The following ZNF704 variants were observed in gnomAD, a reference collection of about 807,000 sequenced individuals.
ZNF704 encodes the protein zinc finger protein 704, also known as glucocorticoid induced gene 1.
Under a neutral mutation model 44.7 loss-of-function variants are expected in ZNF704, and 10 were observed. The observed-to-expected ratio is 0.22, with a 90% CI of 0.14 to 0.38. The LOEUF (loss-of-function observed/expected upper bound fraction) is 0.38. ZNF704 is among the 10% of genes least tolerant of loss of function. ZNF704 has a pLI of 1.00. For missense variants in ZNF704, 390 were observed against 545.5 expected, an observed-to-expected ratio of 0.71 and a Z score of 2.84; for synonymous variants, 211 against 207.6, an observed-to-expected ratio of 1.02 and a Z score of -0.14.
chr8:80,823,625 A>C (rs1338291958), intron 1 of ZNF704, among the ~76,000 whole-genome samples: 1 of 151,974 alleles, frequency 6.6e-6, no homozygotes, highest in African/African-American at 2.4e-5. Flanking sequence ...CTGCCTCCTT[A>C]AGTGGGTCCC....
intron 2 of ZNF704, among the ~76,000 whole-genome samples, chr8:80,753,536 T>C (rs1208354298): frequency 6.6e-6 from 1 of 152,068 alleles, no homozygotes; most frequent in African/African-American, 2.4e-5. Context: ...GCCTTCCCCA[T>C]TGATGCATTT....
chr8:80,862,764 CAAAAAAAAAAAAAAAA>C (rs71266094), intron 1 of ZNF704, among the ~76,000 whole-genome samples: 8 of 13,076 alleles, frequency 6.1e-4, no homozygotes, highest in Admixed American at 5.2e-3. Flanking sequence ...GACTCCGTCT[CAAAAAAAAAAAAAAAA>C]AAAAAAAAAA....
chr8:80,763,854 C>G (rs1429058671), intron 2 of ZNF704, among the ~76,000 whole-genome samples: 2 of 152,212 alleles, frequency 1.3e-5, no homozygotes, highest in African/African-American at 2.4e-5. Flanking sequence ...TCATCTCTCT[C>G]AAGTTCAAAG....
intron 2 of ZNF704, among the ~76,000 whole-genome samples, chr8:80,716,223 G>A (rs1311348572): frequency 3.3e-5 from 5 of 152,184 alleles, no homozygotes; most frequent in Non-Finnish European, 5.9e-5. Context: ...ACCACGTACA[G>A]GAGCATTAAA....
At chr8:80,642,616 TGGGTAACTGAAACCACAGAAAAG>T (rs1817761462) in intron 8 of ZNF704, among the ~76,000 whole-genome samples, 3 of 152,340 alleles carry the variant, frequency 2.0e-5, no homozygotes, top group Non-Finnish European at 4.4e-5. Context: ...CAATTGACTT[TGGGTAACTGAAACCACAGAAAAG>T]TAAAACTGTG....
At chr8:80,792,383 C>T (rs925714474) in intron 2 of ZNF704, among the ~76,000 whole-genome samples, 2 of 152,118 alleles carry the variant, frequency 1.3e-5, no homozygotes, top group African/African-American at 4.8e-5. Flanking sequence ...AGAATATACA[C>T]AAGGCTTGGC....
chr8:80,709,077 A>G (rs957927801), intron 2 of ZNF704, among the ~76,000 whole-genome samples: 2 of 152,210 alleles, frequency 1.3e-5, no homozygotes, highest in Non-Finnish European at 2.9e-5. Context: ...CCTACTTGGT[A>G]TGTTATTTCT....
chr8:80,756,675 T>G (rs544343467), intron 2 of ZNF704, among the ~76,000 whole-genome samples: 13 of 152,354 alleles, frequency 8.5e-5, no homozygotes, highest in African/African-American at 2.4e-4. Flanking sequence ...TTGGTGAATA[T>G]GCACTGCATA....
At chr8:80,841,460 G>A (rs145936906) in intron 1 of ZNF704, among the ~76,000 whole-genome samples, 2,222 of 151,810 alleles carry the variant, frequency 0.015, 25 homozygotes, top group South Asian at 0.027. Flanking sequence ...TTCAATCTGT[G>A]TACTTCTCTC....
At chr8:80,834,724 C>T (rs1235034249) in intron 1 of ZNF704, among the ~76,000 whole-genome samples, 2 of 152,140 alleles carry the variant, frequency 1.3e-5, no homozygotes, top group Non-Finnish European at 2.9e-5. Flanking sequence ...TGATGTTCCC[C>T]TCCCTGTGTC....
intron 1 of ZNF704, among the ~76,000 whole-genome samples, chr8:80,822,949 C>A (rs1302432135): frequency 6.6e-6 from 1 of 152,018 alleles, no homozygotes; most frequent in African/African-American, 2.4e-5. Context: ...GGATATTAGC[C>A]CATTGTCAGG....
chr8:80,752,778 T>C (rs180929914), intron 2 of ZNF704, among the ~76,000 whole-genome samples: 1 of 152,242 alleles, frequency 6.6e-6, no homozygotes, highest in East Asian at 1.9e-4. Context: ...CGACCTCAGG[T>C]GATCTGCCCG....
upstream of ZNF704, among the ~76,000 whole-genome samples, chr8:80,879,636 C>G (rs575984936): frequency 1.3e-5 from 2 of 152,210 alleles, no homozygotes; most frequent in Non-Finnish European, 1.5e-5. Context: ...GTTGGGAATA[C>G]AGAAATTATA....
intron 1 of ZNF704, among the ~76,000 whole-genome samples, chr8:80,858,885 G>A (rs954755567): frequency 2.6e-5 from 4 of 152,076 alleles, no homozygotes; most frequent in Admixed American, 2.0e-4. Flanking sequence ...AGTATATAGT[G>A]TACATTCATA....
intron 2 of ZNF704, among the ~76,000 whole-genome samples, chr8:80,799,238 A>C (rs1018662304): frequency 6.6e-6 from 1 of 152,244 alleles, no homozygotes; most frequent in Non-Finnish European, 1.5e-5. Context: ...ATGCTAGACA[A>C]TAATACATAT....
chr8:80,769,949 G>T (rs1324980546), intron 2 of ZNF704, among the ~76,000 whole-genome samples: 1 of 152,200 alleles, frequency 6.6e-6, no homozygotes, highest in Non-Finnish European at 1.5e-5. Flanking sequence ...GTTCCACGTG[G>T]CTGGGGAGGC....
chr8:80,871,982 A>G (rs973510330), intron 1 of ZNF704, among the ~76,000 whole-genome samples: 13 of 152,214 alleles, frequency 8.5e-5, no homozygotes, highest in Non-Finnish European at 1.5e-4. Flanking sequence ...TTCTGTTTTT[A>G]CGGATTTGAT....
chr8:80,764,790 G>A (rs548400965), intron 2 of ZNF704, among the ~76,000 whole-genome samples: 41 of 152,222 alleles, frequency 2.7e-4, no homozygotes, highest in Non-Finnish European at 5.4e-4. Flanking sequence ...AGAGAGCCTC[G>A]TACGCTTATC....
At chr8:80,840,498 T>C (rs895840788) in intron 1 of ZNF704, among the ~76,000 whole-genome samples, 18 of 152,212 alleles carry the variant, frequency 1.2e-4, no homozygotes, top group African/African-American at 4.3e-4. Flanking sequence ...ACAATCATAA[T>C]AATAACAGTT....
Sources: gnomAD v4.1 joint callset for allele counts (sites outside exome capture counted in the v4.1 genomes callset) on GRCh38, gnomAD v4.1.1 for gene constraint, MANE v1.5 for transcripts, NCBI Gene and HGNC (gene_info 2026-07-23, HGNC 2026-07-21) for gene names.